WDR97: variants seen among roughly 807,000 people sequenced by gnomAD.
WDR97 encodes the protein WD repeat-containing protein 97.
Under a neutral mutation model 65.4 loss-of-function variants are expected in WDR97, and 111 were observed. The observed-to-expected ratio is 1.70, with a 90% CI of 1.45 to 1.99. The LOEUF is 1.99. Among genes scored for constraint, WDR97 ranks in the 30% most tolerant of loss-of-function variants. WDR97 has a pLI of 0.00. For synonymous variants in WDR97, 802 were observed against 397.7 expected, an observed-to-expected ratio of 2.02 and a Z score of -12.10; for missense variants, 1,674 against 865.0, an observed-to-expected ratio of 1.94 and a Z score of -11.73.
At position 144,108,175 on chromosome 8, in the gene WDR97, C is replaced by G. The variant is rs1365912837; in HGVS notation, c.229C>G (p.Leu77Val). 1 of 702,076 alleles carries G rather than the reference C, an allele frequency of 1.4e-6. No individual in the cohort carries two copies. Among genetic ancestry groups the G allele is most frequent in the South Asian group, 1.5e-5 (1 of 67,536 alleles). 43.5% of individuals were successfully genotyped at this position (702,076 alleles called of 1,614,324 possible). The change falls in exon 2 of 24, where the codon CTC becomes GTC. Residue 77 changes from leucine to valine, a missense_variant. Coordinates refer to ENST00000323662, the MANE Select transcript of WDR97 (RefSeq NM_001316309.2). ...GCTGTGGCTGCTTCTGCGCACCAGC[C>G]TCCACGAAGTCGTGGAAAAGGTGCG... ...RRLWLLLRTS[L>V]HEVVEKEKRA...
At position 144,112,027 on chromosome 8, in the gene WDR97, G is replaced by A. The variant is rs1193680447; in HGVS notation, c.2778G>A (p.Val926=). 2 of 702,534 alleles carry A rather than the reference G, an allele frequency of 2.8e-6. No homozygotes were observed. Among genetic ancestry groups the A allele is most frequent in the East Asian group, 2.7e-5 (1 of 37,290 alleles). The allele number at this position is 702,534 out of a possible 1,614,324, so 43.5% of individuals were successfully genotyped here. A position where few individuals can be genotyped will look rare whatever the true frequency, so the allele number is the denominator to read the frequency against. ...RAEVSTAAQT[V]PTALSPQDLG... ...AGGTCAGCACTGCAGCCCAAACAGT[G>A]CCAACAGCCCTGTCCCCACAGGACC... is the stretch of plus-strand genomic sequence containing the variant. The change falls in exon 13 of 24, where the codon GTG becomes GTA. Residue 926 remains valine, a synonymous_variant. Transcript: ENST00000323662.
At position 144,114,005 on chromosome 8, in the gene WDR97, G is replaced by A. The variant is rs905212645; in HGVS notation, c.3437G>A (p.Arg1146Gln). The A allele has an allele frequency of 2.6e-5, 18 of 702,762 alleles. No individual in the cohort carries two copies. The highest frequency in any genetic ancestry group is 7.4e-5 in the South Asian group (5 of 67,602). 43.5% of individuals were successfully genotyped at this position (702,762 alleles called of 1,614,324 possible). Residue 1146 changes from arginine (R) to glutamine (Q), a missense_variant, in exon 18 of 24, where the codon CGG becomes CAG. Physicochemically the swap from Arg to Gln is conservative, Grantham distance 43 (BLOSUM62 1). Coordinates refer to ENST00000323662, the MANE Select transcript of WDR97 (RefSeq NM_001316309.2). ...GCTGTGGACTGGACCCAGGAGCCCC[G>A]GCGGCGCAGCTGCAAGGTTGCCAGG... ...QSAVDWTQEP[R>Q]RRSCKVARTH...
chr8:144,110,704 C>G lies in WDR97; in HGVS notation c.2136C>G (p.Thr712=), dbSNP rs767634566. ...KLYACSSLDC[T]VRIWTAENRL... is the part of the protein sequence containing the mutation. ...ATGCCTGCTCCAGCCTGGACTGCAC[C>G]GTTCGCATCTGGACTGCTGAGAACC... The change falls in exon 8 of 24, where the codon ACC becomes ACG. Residue 712 remains threonine, a synonymous_variant. Transcript: ENST00000323662. The G allele has an allele frequency of 2.9e-6, 2 of 701,540 alleles. No homozygotes were observed. The highest frequency in any genetic ancestry group is 5.2e-6 in the Non-Finnish European group (2 of 384,956). 43.5% of individuals were successfully genotyped at this position (701,540 alleles called of 1,614,324 possible).
chr8:144,110,102 T>A lies in WDR97; in HGVS notation c.1701-12T>A, dbSNP rs1488623280. The A allele has an allele frequency of 4.3e-6, 3 of 701,738 alleles. No homozygotes were observed. Among genetic ancestry groups the A allele is most frequent in the Middle Eastern group, 2.3e-4 (1 of 4,366 alleles). The allele number at this position is 701,738 out of a possible 1,614,324, so 43.5% of individuals were successfully genotyped here. On this transcript the variant is annotated splice_polypyrimidine_tract_variant and intron_variant, in intron 5 of 23. Transcript: ENST00000323662. ...GGCAGGGTCCGCGCCAACAGGCTCT[T>A]CCCACTCGCAGGTACCTGCCAGTGG...
Position 144,118,019 on chromosome 8 carries a change from T to A in WDR97, c.*1726T>A, listed in dbSNP as rs1814805209. ...AAAGAGAAAGATGCTGTTGTCTGAGTCTTGCCTCTGAGGCCTAAGTTCCCC... is the reference window on the plus strand; with the variant it reads ...AAAGAGAAAGATGCTGTTGTCTGAGACTTGCCTCTGAGGCCTAAGTTCCCC... On this transcript the variant is annotated 3_prime_UTR_variant, in exon 24 of 24. Transcript: ENST00000323662. 2 of 152,140 alleles carry A rather than the reference T, an allele frequency of 1.3e-5. No homozygotes were observed. Among genetic ancestry groups the A allele is most frequent in the Non-Finnish European group, 2.9e-5 (2 of 68,026 alleles). The allele number at this position is 152,140 out of a possible 1,614,324, so 9.4% of individuals were successfully genotyped here.
chr8:144,110,865 C>T lies in WDR97; in HGVS notation c.2173C>T (p.Leu725Phe), dbSNP rs1836532704. 2.8e-6 allele frequency: 2 copies of T among 702,826 alleles called. No individual in the cohort carries two copies. Among genetic ancestry groups the T allele is most frequent in the East Asian group, 2.7e-5 (1 of 37,274 alleles). 43.5% of individuals were successfully genotyped at this position (702,826 alleles called of 1,614,324 possible). A position where few individuals can be genotyped will look rare whatever the true frequency, so the allele number is the denominator to read the frequency against. The change falls in exon 9 of 24, where the codon CTC (leucine) becomes TTC (phenylalanine). Residue 725 changes from leucine to phenylalanine, a missense_variant and splice_region_variant. Coordinates refer to ENST00000323662, the MANE Select transcript of WDR97 (RefSeq NM_001316309.2). Reference protein sequence around the residue: ...IWTAENRLLRLLQLNGAPQAL... With the variant: ...IWTAENRLLRFLQLNGAPQAL... ...CGGCTGCCCTGGGTGCCTCTCCAGG[C>T]TCCTGCAGCTGAATGGTGCCCCTCA... is the stretch of plus-strand genomic sequence containing the variant.
rs771556383 is a variant in WDR97 at position 144,116,607 on chromosome 8, T to G, written c.*314T>G. The G allele has an allele frequency of 7.3e-6, 2 of 274,114 alleles. No individual in the cohort carries two copies. The highest frequency in any genetic ancestry group is 1.4e-5 in the Non-Finnish European group (2 of 147,178). 17.0% of individuals were successfully genotyped at this position (274,114 alleles called of 1,614,324 possible). A position where few individuals can be genotyped will look rare whatever the true frequency, so the allele number is the denominator to read the frequency against. On this transcript the variant is annotated 3_prime_UTR_variant, in exon 24 of 24. Coordinates refer to ENST00000323662, the MANE Select transcript of WDR97 (RefSeq NM_001316309.2). ...GAGCAAACGTTTTCTGCTCAAGTAC[T>G]AGGTGTTGAGATGCGGGCTGACCTT...
At chr8:144,110,067 C>T (rs1392010856) in intron 5 of WDR97, 33 bp downstream of exon 5, 1 of 695,558 alleles carries the variant, frequency 1.4e-6, no homozygotes, top group East Asian at 2.7e-5. Context: ...GTCTGGCGGG[C>T]GGAAGGAGCG....
At position 144,111,749 on chromosome 8, in the gene WDR97, T is replaced by A; in HGVS notation, c.2605T>A (p.Tyr869Asn). Reference protein sequence around the residue: ...WQQRQEGFDNYLRLIYGSGLL... With the variant: ...WQQRQEGFDNNLRLIYGSGLL... The stretch of plus-strand genomic sequence containing the variant: ...GCAGCGCCAGGAAGGCTTTGACAAT[T>A]ACCTCCGTCTGATCTACGGCTCTGG... Residue 869 changes from tyrosine to asparagine, a missense_variant, in exon 12 of 24, where the codon TAC becomes AAC. Physicochemically the swap from Tyr to Asn is moderately radical, Grantham distance 143. Coordinates refer to ENST00000323662, the MANE Select transcript of WDR97 (RefSeq NM_001316309.2). 1.4e-6 allele frequency: 1 copy of A among 689,758 alleles called. No homozygotes were observed. 42.7% of individuals were successfully genotyped at this position (689,758 alleles called of 1,614,324 possible). A position where few individuals can be genotyped will look rare whatever the true frequency, so the allele number is the denominator to read the frequency against.
In WDR97 at chr8:144,114,749, G is replaced by T; in HGVS notation, c.3915G>T (p.Arg1305=). The T allele has an allele frequency of 1.4e-6, 1 of 701,814 alleles. No homozygotes were observed. Among genetic ancestry groups the T allele is most frequent in the Middle Eastern group, 2.3e-4 (1 of 4,354 alleles). The allele number at this position is 701,814 out of a possible 1,614,324, so 43.5% of individuals were successfully genotyped here. The change falls in exon 21 of 24, where the codon CGG becomes CGT. Residue 1305 remains arginine (R), a splice_region_variant and synonymous_variant. Transcript: ENST00000323662. ...GACAAGCCACATGCACCTGTCCCAG[G>T]CCAGAGCTCAAGAAGCTGCTGCACG... The part of the protein sequence containing the change: ...SYFLYSPVHC[R]PELKKLLHGL...
Position 144,115,874 on chromosome 8 carries a change from G to A in WDR97, c.4595+16G>A, listed in dbSNP as rs1158296402. On this transcript the variant is annotated intron_variant, in intron 22 of 23. Coordinates refer to ENST00000323662, the MANE Select transcript of WDR97 (RefSeq NM_001316309.2). ...GGGAGCACTGGTGCGCGGGGCCTGC[G>A]CCGGCGGGGCCTGCGTGGGGCAGCC... 8 of 695,460 alleles carry A rather than the reference G, an allele frequency of 1.2e-5. No homozygotes were observed. Among genetic ancestry groups the A allele is most frequent in the African/African-American group, 1.1e-4 (6 of 57,030 alleles). The allele number at this position is 695,460 out of a possible 1,614,324, so 43.1% of individuals were successfully genotyped here.
chr8:144,109,664 A>T lies in WDR97; in HGVS notation c.1330A>T (p.Thr444Ser), dbSNP rs760291176. The change falls in exon 5 of 24, where the codon ACG becomes TCG. Residue 444 changes from threonine (T) to serine (S), a missense_variant. Transcript: ENST00000323662. ...CGCGCCTGCGCACCAGTCGCTGCCT[A>T]CGCGCCTCGTGTGCGCGTGCGCCGA... ...LPAPAHQSLP[T>S]RLVCACADGS... is the part of the protein sequence containing the mutation. 37 of 668,366 alleles carry T rather than the reference A, an allele frequency of 5.5e-5. No homozygotes were observed. Among genetic ancestry groups the T allele is most frequent in the Non-Finnish European group, 8.1e-5 (30 of 370,366 alleles). 41.4% of individuals were successfully genotyped at this position (668,366 alleles called of 1,614,324 possible).
chr8:144,114,281 T>C lies in WDR97; in HGVS notation c.3598T>C (p.Tyr1200His). 1 of 700,688 alleles carries C rather than the reference T, an allele frequency of 1.4e-6. No individual in the cohort carries two copies. Among genetic ancestry groups the C allele is most frequent in the Non-Finnish European group, 2.6e-6 (1 of 383,372 alleles). The allele number at this position is 700,688 out of a possible 1,614,324, so 43.4% of individuals were successfully genotyped here. The change falls in exon 19 of 24, where the codon TAC becomes CAC. Residue 1200 changes from tyrosine (Y) to histidine (H), a missense_variant. Coordinates refer to ENST00000323662, the MANE Select transcript of WDR97 (RefSeq NM_001316309.2). ...GCCTCAGCATGCTACCCTGCAGGCA[T>C]ACCCGGAGGCGGGCACGATCGAGGG... ...KLFPIFSLQA[Y>H]PEAGTIEGLA... is the part of the protein sequence containing the mutation.
rs1403238039 is a variant in WDR97 at position 144,117,230 on chromosome 8, C to G, written c.*937C>G. On this transcript the variant is annotated 3_prime_UTR_variant, in exon 24 of 24. Coordinates refer to ENST00000323662, the MANE Select transcript of WDR97 (RefSeq NM_001316309.2). ...GGTGCGCAGGACCGTGCGGGACAGC[C>G]AAGTTGCTGGGCCCAGCTGAACCTG... 6.6e-6 allele frequency: 1 copy of G among 152,340 alleles called. No homozygotes were observed. Among genetic ancestry groups the G allele is most frequent in the Non-Finnish European group, 1.5e-5 (1 of 68,144 alleles). 9.4% of individuals were successfully genotyped at this position (152,340 alleles called of 1,614,324 possible).
In WDR97 at chr8:144,107,833, C is replaced by G; in HGVS notation, c.83C>G (p.Pro28Arg). ...TATGATGCGGATGGCTATGATGTCC[C>G]AGACCCTGGGCTGCTCACCGAAAAG... ...DLYDADGYDV[P>R]DPGLLTEKNE... The change falls in exon 1 of 24, where the codon CCA becomes CGA. Residue 28 changes from proline (P) to arginine (R), a missense_variant. By Grantham distance (103) the Pro-to-Arg change is moderately radical. Coordinates refer to ENST00000323662, the MANE Select transcript of WDR97 (RefSeq NM_001316309.2). The G allele has an allele frequency of 1.4e-6, 1 of 702,872 alleles. No individual in the cohort carries two copies. The highest frequency in any genetic ancestry group is 1.5e-5 in the South Asian group (1 of 67,610). The allele number at this position is 702,872 out of a possible 1,614,324, so 43.5% of individuals were successfully genotyped here.
chr8:144,109,696 G>C lies in WDR97; in HGVS notation c.1362G>C (p.Ser454=). Residue 454 remains serine (S), a synonymous_variant, in exon 5 of 24, where the codon TCG becomes TCC. Coordinates refer to ENST00000323662, the MANE Select transcript of WDR97 (RefSeq NM_001316309.2). ...TRLVCACADG[S]VYLLSAATGR... ...TCGTGTGCGCGTGCGCCGACGGCTCGGTCTACCTCCTGTCGGCGGCCACCG... is the reference window on the plus strand; with the variant it reads ...TCGTGTGCGCGTGCGCCGACGGCTCCGTCTACCTCCTGTCGGCGGCCACCG... The C allele has an allele frequency of 1.5e-6, 1 of 673,744 alleles. No individual in the cohort carries two copies. The highest frequency in any genetic ancestry group is 2.7e-6 in the Non-Finnish European group (1 of 372,472). The allele number at this position is 673,744 out of a possible 1,614,324, so 41.7% of individuals were successfully genotyped here. A position where few individuals can be genotyped will look rare whatever the true frequency, so the allele number is the denominator to read the frequency against.
In WDR97 at chr8:144,115,500, G is replaced by GC. The variant is rs1377688034; in HGVS notation, c.4241dup (p.Glu1415GlyfsTer78). 17 of 696,834 alleles carry GC rather than the reference G, an allele frequency of 2.4e-5. No individual in the cohort carries two copies. The East Asian group carries it at 4.0e-4, about 17-fold the overall frequency. The allele number at this position is 696,834 out of a possible 1,614,324, so 43.2% of individuals were successfully genotyped here. A position where few individuals can be genotyped will look rare whatever the true frequency, so the allele number is the denominator to read the frequency against. ...CTCACCTGCGGAGCCGCACTCTTTA[G>GC]CCCCGGAGCTCCAGGCCCAGCGGAT... On this transcript the variant is annotated frameshift_variant, in exon 22 of 24. Transcript: ENST00000323662. LOFTEE classifies it high-confidence loss of function.
chr8:144,115,485 G>A lies in WDR97; in HGVS notation c.4222G>A (p.Glu1408Lys), dbSNP rs1836632412. 1.4e-6 allele frequency: 1 copy of A among 695,972 alleles called. No homozygotes were observed. Among genetic ancestry groups the A allele is most frequent in the East Asian group, 2.7e-5 (1 of 37,094 alleles). The allele number at this position is 695,972 out of a possible 1,614,324, so 43.1% of individuals were successfully genotyped here. Residue 1408 changes from glutamate to lysine, a missense_variant, in exon 22 of 24, where the codon GAG (glutamate) becomes AAG (lysine). Glu to Lys is a moderately conservative substitution (Grantham distance 56, BLOSUM62 1). Transcript: ENST00000323662. ...EVPLMVVSPA[E>K]PHSLAPELQA... The stretch of plus-strand genomic sequence containing the variant: ...GCCTTTGATGGTGGTCTCACCTGCG[G>A]AGCCGCACTCTTTAGCCCCGGAGCT...
rs1228522913 is a variant in WDR97 at position 144,113,667 on chromosome 8, G to T, written c.3194G>T (p.Ser1065Ile). ...CTTGCCCCTCTGCAGCCAGGGGCAA[G>T]CCAGGATGCCCTGTGGTTGTGGCGC... ...QMWLNAEPGA[S>I]QDALWLWRPR... Residue 1065 changes from serine (S) to isoleucine (I), a missense_variant, in exon 17 of 24, where the codon AGC (serine) becomes ATC (isoleucine). Coordinates refer to ENST00000323662, the MANE Select transcript of WDR97 (RefSeq NM_001316309.2). 2 of 659,966 alleles carry T rather than the reference G, an allele frequency of 3.0e-6. No individual in the cohort carries two copies. Among genetic ancestry groups the T allele is most frequent in the South Asian group, 3.3e-5 (2 of 60,762 alleles). 40.9% of individuals were successfully genotyped at this position (659,966 alleles called of 1,614,324 possible). A position where few individuals can be genotyped will look rare whatever the true frequency, so the allele number is the denominator to read the frequency against.
Sources: allele counts gnomAD v4.1 joint callset, GRCh38; gene constraint gnomAD v4.1.1; transcripts MANE v1.5; gene names NCBI Gene and HGNC (gene_info 2026-07-23, HGNC 2026-07-21).